Variants in TBCEL observed in about 807,000 individuals in gnomAD.
The protein encoded by TBCEL is tubulin folding cofactor E like.
Under a neutral mutation model 44.2 loss-of-function variants are expected in TBCEL, and 15 were observed. That is an observed-to-expected ratio of 0.34 (90% CI 0.23 to 0.52). The LOEUF is 0.52. Ranked by LOEUF, TBCEL falls within the 20% of genes least tolerant of loss-of-function variation. The pLI, the probability that TBCEL is intolerant of heterozygous loss-of-function variation, is 0.95. For synonymous variants in TBCEL, 171 were observed against 185.4 expected (o/e 0.92, Z 0.63); for missense variants, 319 against 506.3 (o/e 0.63, Z 3.55).
At chr11:121,059,657 C>A (rs979755768) in intron 7 of TBCEL, among the ~76,000 whole-genome samples, 23 of 151,696 alleles carry the variant, frequency 1.5e-4, no homozygotes, top group Admixed American at 7.9e-4. Context: ...AAAAATGCGG[C>A]CATTAAAGAA....
chr11:121,079,735 A>G (rs1204031792), intron 8 of TBCEL, among the ~76,000 whole-genome samples: 1 of 152,224 alleles, frequency 6.6e-6, no homozygotes, highest in Non-Finnish European at 1.5e-5. Flanking sequence ...CTATAGCAAG[A>G]GACATTAGAA....
chr11:121,087,408 T>C lies in TBCEL; in HGVS notation c.*312T>C. ...CTGGGATTTGCCTGCCACTTGGTTA[T>C]CATTACTGTTGGGTGAACCTGTGAA... On this transcript the variant is annotated 3_prime_UTR_variant, in exon 9 of 9. Coordinates refer to ENST00000683345, the MANE Select transcript of TBCEL (RefSeq NM_001363644.2). 1 of 335,006 alleles carries C rather than the reference T, an allele frequency of 3.0e-6. No individual in the cohort carries two copies. The highest frequency in any genetic ancestry group is 3.4e-5 in the South Asian group (1 of 29,792). The allele number at this position is 335,006 out of a possible 1,614,324, so 20.8% of individuals were successfully genotyped here. A position where few individuals can be genotyped will look rare whatever the true frequency, so the allele number is the denominator to read the frequency against.
chr11:121,069,999 C>T (rs1481706716), intron 8 of TBCEL, among the ~76,000 whole-genome samples: 1 of 152,012 alleles, frequency 6.6e-6, no homozygotes, highest in Non-Finnish European at 1.5e-5. Flanking sequence ...AGAAGCTGAA[C>T]AAATTTACAA....
At chr11:121,073,561 T>G (rs1169617198) in intron 8 of TBCEL, among the ~76,000 whole-genome samples, 2 of 151,976 alleles carry the variant, frequency 1.3e-5, no homozygotes, top group African/African-American at 4.8e-5. Context: ...GACAGTCATA[T>G]CTATACATAA....
rs916832038 is a variant in TBCEL at position 121,089,049 on chromosome 11, T to C, written c.*1953T>C. The C allele has an allele frequency of 2.6e-5, 4 of 152,172 alleles. No individual in the cohort carries two copies. Among genetic ancestry groups the C allele is most frequent in the Non-Finnish European group, 5.9e-5 (4 of 68,028 alleles). 9.4% of individuals were successfully genotyped at this position (152,172 alleles called of 1,614,324 possible). Reference sequence around the variant, plus strand: ...AACAGTGTCATGAAGATTGAAACTGTAGGTGCTTTGTGTATGTATGCATGA... The same window carrying C: ...AACAGTGTCATGAAGATTGAAACTGCAGGTGCTTTGTGTATGTATGCATGA... On this transcript the variant is annotated 3_prime_UTR_variant, in exon 9 of 9. Transcript: ENST00000683345.
At chr11:121,085,444 T>C (rs563554008) in intron 8 of TBCEL, among the ~76,000 whole-genome samples, 4 of 152,210 alleles carry the variant, frequency 2.6e-5, no homozygotes, top group Non-Finnish European at 4.4e-5. Context: ...TCATTTGTTA[T>C]TTTATTTGGT....
At chr11:121,036,835 C>T (rs1945240083) in intron 2 of TBCEL, among the ~76,000 whole-genome samples, 1 of 152,066 alleles carries the variant, frequency 6.6e-6, no homozygotes. Flanking sequence ...TTATATGCAA[C>T]GTAGTTCTTT....
intron 4 of TBCEL, among the ~76,000 whole-genome samples, chr11:121,052,676 C>T (rs192992133): frequency 3.3e-5 from 5 of 151,880 alleles, no homozygotes. Context: ...ATTTTTTCTG[C>T]TTATATTTAT....
chr11:121,074,077 A>G (rs763063999), intron 8 of TBCEL, among the ~76,000 whole-genome samples: 12 of 151,962 alleles, frequency 7.9e-5, no homozygotes, highest in Admixed American at 5.9e-4. Flanking sequence ...TCGTGATTTC[A>G]TATTTTCTCT....
In TBCEL at chr11:121,055,082, C is replaced by G; in HGVS notation, c.486C>G (p.Asp162Glu). ...AGGAGCTCTTCCTGTGCCTTAATGA[C>G]TATGAAACAGTGTCTTGTCCTTCTA... Reference protein sequence around the residue: ...DLEELFLCLNDYETVSCPSIC... With the variant: ...DLEELFLCLNEYETVSCPSIC... Residue 162 changes from aspartate (D) to glutamate (E), a missense_variant, in exon 6 of 9, where the codon GAC becomes GAG. Physicochemically the swap from Asp to Glu is conservative, Grantham distance 45. Transcript: ENST00000683345. 2 of 1,575,996 alleles carry G rather than the reference C, an allele frequency of 1.3e-6. No homozygotes were observed. Among genetic ancestry groups the G allele is most frequent in the South Asian group, 1.2e-5 (1 of 83,942 alleles).
intron 8 of TBCEL, among the ~76,000 whole-genome samples, chr11:121,070,514 T>A (rs1261665558): frequency 6.6e-6 from 1 of 152,190 alleles, no homozygotes; most frequent in Non-Finnish European, 1.5e-5. Flanking sequence ...CATGGAATAC[T>A]ATGCAGCCAT....
chr11:121,083,989 T>TCATCC (rs1186564312), intron 8 of TBCEL, among the ~76,000 whole-genome samples: 1 of 152,180 alleles, frequency 6.6e-6, no homozygotes, highest in Non-Finnish European at 1.5e-5. Context: ...TTCTACTGTA[T>TCATCC]CATCCCATGA....
chr11:121,029,714 T>C (rs906026113), intron 1 of TBCEL, among the ~76,000 whole-genome samples: 2 of 152,148 alleles, frequency 1.3e-5, no homozygotes, highest in African/African-American at 4.8e-5. Context: ...CAAGTACTAT[T>C]GTGAAAAGTT....
rs898055225 is a variant in TBCEL at position 121,087,435 on chromosome 11, A to G, written c.*339A>G. On this transcript the variant is annotated 3_prime_UTR_variant, in exon 9 of 9. Transcript: ENST00000683345. ...ATTACTGTTGGGTGAACCTGTGAAG[A>G]TAACATGAACACTGTAGCCCCTTAG... 16 of 290,536 alleles carry G rather than the reference A, an allele frequency of 5.5e-5. No individual in the cohort carries two copies. Among genetic ancestry groups the G allele is most frequent in the East Asian group, 5.0e-4 (6 of 11,898 alleles). The allele number at this position is 290,536 out of a possible 1,614,324, so 18.0% of individuals were successfully genotyped here. A position where few individuals can be genotyped will look rare whatever the true frequency, so the allele number is the denominator to read the frequency against.
intron 8 of TBCEL, among the ~76,000 whole-genome samples, chr11:121,085,021 A>G (rs1422787705): frequency 6.7e-6 from 1 of 149,762 alleles, no homozygotes; most frequent in Non-Finnish European, 1.5e-5. Flanking sequence ...ATATGCATAT[A>G]TATATAATTA....
intron 8 of TBCEL, among the ~76,000 whole-genome samples, chr11:121,083,609 T>C (rs1946164168): frequency 6.6e-6 from 1 of 152,238 alleles, no homozygotes; most frequent in Admixed American, 6.5e-5. Flanking sequence ...ATGTTTATGG[T>C]TGAGATTAAT....
At position 121,087,194 on chromosome 11, in the gene TBCEL, T is replaced by A. The variant is rs993229769; in HGVS notation, c.*98T>A. 12 of 1,266,886 alleles carry A rather than the reference T, an allele frequency of 9.5e-6. No individual in the cohort carries two copies. The African/African-American group carries it at 1.5e-4, about 16-fold the overall frequency. The allele number at this position is 1,266,886 out of a possible 1,614,324, so 78.5% of individuals were successfully genotyped here. On this transcript the variant is annotated 3_prime_UTR_variant, in exon 9 of 9. Transcript: ENST00000683345. ...TTAGGAGGGAGAGGTTGTTTTTGTT[T>A]TGTTTTGTTCTGTTTAGGTTTGGGA...
chr11:121,044,684 A>C (rs1239900293), intron 2 of TBCEL, among the ~76,000 whole-genome samples: 3 of 152,104 alleles, frequency 2.0e-5, no homozygotes, highest in African/African-American at 2.4e-5. Flanking sequence ...TCAGGTTGTT[A>C]GAAGTTAGCG....
At chr11:121,064,850 G>A (rs911878550) in intron 8 of TBCEL, among the ~76,000 whole-genome samples, 8 of 151,676 alleles carry the variant, frequency 5.3e-5, no homozygotes, top group East Asian at 1.9e-4. Flanking sequence ...CTTTTGAGGA[G>A]GAGTCTCACT....
Sources: gnomAD v4.1 joint callset for allele counts (sites outside exome capture counted in the v4.1 genomes callset) on GRCh38, gnomAD v4.1.1 for gene constraint, MANE v1.5 for transcripts, NCBI Gene and HGNC (gene_info 2026-07-23, HGNC 2026-07-21) for gene names.